Variants in EYS observed in about 807,000 individuals in gnomAD.
EYS encodes EGF-like photoreceptor maintenance factor.
A neutral mutation model predicts 282.1 loss-of-function variants in EYS; 250 were observed. The observed-to-expected ratio is 0.89, with a 90% confidence interval of 0.80 to 0.98. The LOEUF (loss-of-function observed/expected upper bound fraction) is 0.98, where lower values mean the gene tolerates loss of function less well. Among genes scored for constraint, EYS ranks in the 50% least tolerant of loss-of-function variants. The pLI, the probability that EYS is intolerant of heterozygous loss-of-function variation, is 0.00. For missense variants in EYS, 4,016 were observed against 3,709.0 expected, an observed-to-expected ratio of 1.08 and a Z score of -2.15; for synonymous variants, 1,355 against 1,282.9, an observed-to-expected ratio of 1.06 and a Z score of -1.20.
At chr6:64,696,934 G>T (rs1770601922) in intron 22 of EYS, among the ~76,000 whole-genome samples, 1 of 151,968 alleles carries the variant, frequency 6.6e-6, no homozygotes, top group African/African-American at 2.4e-5. Flanking sequence ...ATTACACAAA[G>T]GAGGAAGATA....
chr6:64,080,410 G>GT (rs1195175408), intron 32 of EYS, among the ~76,000 whole-genome samples: 11 of 151,976 alleles, frequency 7.2e-5, no homozygotes, highest in Admixed American at 2.0e-4. Context: ...GGGGTTGTTT[G>GT]TTTTTTTTCT....
At chr6:64,356,458 C>T (rs1330031488) in intron 29 of EYS, among the ~76,000 whole-genome samples, 1 of 151,666 alleles carries the variant, frequency 6.6e-6, no homozygotes, top group Non-Finnish European at 1.5e-5. Flanking sequence ...CCCCCTGAAG[C>T]AGTTTATACT....
chr6:64,848,788 A>T (rs9354166), intron 19 of EYS, among the ~76,000 whole-genome samples: 14,275 of 152,084 alleles, frequency 0.094, 859 homozygotes, highest in East Asian at 0.32. Context: ...ATCTAATGTT[A>T]AATTCTTCCT....
intron 12 of EYS, among the ~76,000 whole-genome samples, chr6:65,256,444 A>G: frequency 9.0e-6 from 1 of 110,618 alleles, no homozygotes; most frequent in East Asian, 2.6e-4. Flanking sequence ...CACAGTCCCC[A>G]GAGTGTGATA....
chr6:64,506,343 A>T lies in EYS; in HGVS notation c.5645-66991T>A, dbSNP rs188034682. Among the ~76,000 whole-genome samples the T allele has an allele frequency of 2.4e-3, 371 of 152,108 alleles. 1 individual carries two copies. The highest frequency in any genetic ancestry group is 8.3e-3 in the African/African-American group (346 of 41,492). Reference sequence around the variant, plus strand: ...AAACTTGGCTGAAAAAGTTAAATTTAAAAAAAAGTTTGGTTTGAAGAGCAA... The same window carrying T: ...AAACTTGGCTGAAAAAGTTAAATTTTAAAAAAAGTTTGGTTTGAAGAGCAA... On this transcript the variant is annotated intron_variant, in intron 26 of 42. Transcript: ENST00000503581.
intron 2 of EYS, among the ~76,000 whole-genome samples, chr6:65,625,549 G>C (rs553076725): frequency 6.6e-6 from 1 of 152,178 alleles, no homozygotes; most frequent in Non-Finnish European, 1.5e-5. Context: ...AAGTTCTGGT[G>C]TGAAAATGTC....
intron 12 of EYS, among the ~76,000 whole-genome samples, chr6:65,096,631 T>C (rs544694973): frequency 1.3e-5 from 2 of 151,084 alleles, no homozygotes; most frequent in South Asian, 4.2e-4. Context: ...GGTAGTGTTG[T>C]GTTAGCATAA....
At chr6:64,633,418 T>C (rs62417971) in intron 22 of EYS, among the ~76,000 whole-genome samples, 38 of 152,094 alleles carry the variant, frequency 2.5e-4, no homozygotes, top group Non-Finnish European at 4.3e-4. Flanking sequence ...TAATTTGAAA[T>C]GATCCATATG....
intron 33 of EYS, among the ~76,000 whole-genome samples, chr6:64,014,803 G>A (rs573401041): frequency 2.3e-4 from 35 of 150,200 alleles, no homozygotes; most frequent in African/African-American, 8.1e-4. Flanking sequence ...TGGTTTCTGA[G>A]GTTTTAGGTA....
intron 2 of EYS, among the ~76,000 whole-genome samples, chr6:65,633,882 T>C (rs919409625): frequency 6.6e-6 from 1 of 152,206 alleles, no homozygotes; most frequent in African/African-American, 2.4e-5. Flanking sequence ...CAAAGGTAAG[T>C]AGTTGGGAGA....
intron 26 of EYS, among the ~76,000 whole-genome samples, chr6:64,440,678 T>C (rs560844486): frequency 4.5e-4 from 69 of 152,250 alleles, no homozygotes; most frequent in African/African-American, 1.5e-3. Flanking sequence ...AAGAAATTGT[T>C]TTAAAGATTT....
chr6:64,286,115 C>G (rs532389794), intron 30 of EYS, among the ~76,000 whole-genome samples: 12 of 152,266 alleles, frequency 7.9e-5, no homozygotes, highest in African/African-American at 2.4e-4. Context: ...TTTCTTTTCT[C>G]AAATTCAGAT....
intron 29 of EYS, among the ~76,000 whole-genome samples, chr6:64,323,928 GA>G (rs1272237742): frequency 6.6e-6 from 1 of 152,112 alleles, no homozygotes; most frequent in Non-Finnish European, 1.5e-5. Flanking sequence ...CATTCTTTGG[GA>G]AGTACTTTAG....
chr6:64,074,445 C>G (rs1771695533), intron 32 of EYS, among the ~76,000 whole-genome samples: 1 of 151,240 alleles, frequency 6.6e-6, no homozygotes, highest in Non-Finnish European at 1.5e-5. Flanking sequence ...AATTGTAGAT[C>G]TGGAATTTGC....
chr6:65,275,973 T>G (rs1367541320), intron 12 of EYS, among the ~76,000 whole-genome samples: 2 of 151,842 alleles, frequency 1.3e-5, no homozygotes, highest in Non-Finnish European at 2.9e-5. Flanking sequence ...ATAACACTGC[T>G]TCTAATAAAA....
At chr6:65,299,280 T>C (rs1211213977) in intron 11 of EYS, among the ~76,000 whole-genome samples, 3 of 152,170 alleles carry the variant, frequency 2.0e-5, no homozygotes, top group African/African-American at 7.2e-5. Flanking sequence ...GTTTTCCTAA[T>C]AACAACCTAT....
At chr6:65,560,278 C>T (rs899861975) in intron 2 of EYS, among the ~76,000 whole-genome samples, 139 of 140,678 alleles carry the variant, frequency 9.9e-4, no homozygotes, top group African/African-American at 3.4e-3. Flanking sequence ...TAACATATAA[C>T]ATATTATTAA....
At chr6:65,168,716 G>A (rs13210192) in intron 12 of EYS, among the ~76,000 whole-genome samples, 30,042 of 151,086 alleles carry the variant, frequency 0.2, 3,520 homozygotes, top group South Asian at 0.25. Context: ...TTATGTTCAA[G>A]TCATTCTTCC....
chr6:65,404,091 T>G (rs951911551), intron 6 of EYS, among the ~76,000 whole-genome samples: 2 of 152,040 alleles, frequency 1.3e-5, no homozygotes, highest in African/African-American at 2.4e-5. Context: ...TTCTGTAGGC[T>G]CTACAGGAAA....
Sources: allele counts gnomAD v4.1 joint callset (sites outside exome capture counted in the v4.1 genomes callset), GRCh38; gene constraint gnomAD v4.1.1; transcripts MANE v1.5; gene names NCBI Gene and HGNC (gene_info 2026-07-23, HGNC 2026-07-21).